Variants in UGT2B10 observed in about 807,000 individuals in gnomAD.
UGT2B10 encodes the protein UDP-glucuronosyltransferase 2B10.
UGT2B10 carries 51 observed loss-of-function variants against 43.7 expected under a neutral mutation model. The ratio of observed to expected loss-of-function variants is 1.17; its 90% CI spans 0.93 to 1.47. The LOEUF is 1.47. UGT2B10 is among the 40% of genes most tolerant of loss of function. UGT2B10 has a pLI of 0.00. For synonymous variants in UGT2B10, 225 were observed against 209.0 expected (o/e 1.08, Z -0.66); for missense variants, 696 against 617.7 (o/e 1.13, Z -1.34).
rs1738106034 is a variant in UGT2B10, at chr4:68,831,664, A to T, written c.*785A>T. ...TTAAAATCTAAAATTGCTTTCTGTTAAAGCTTTACTGATTAGTTTTTCTTC... is the reference window on the plus strand; with the variant it reads ...TTAAAATCTAAAATTGCTTTCTGTTTAAGCTTTACTGATTAGTTTTTCTTC... On this transcript the variant is annotated 3_prime_UTR_variant, in exon 6 of 6. Transcript: ENST00000265403. Among the ~76,000 whole-genome samples the T allele has an allele frequency of 6.6e-6, 1 of 152,144 alleles. No homozygotes were observed. Among genetic ancestry groups the T allele is most frequent in the Non-Finnish European group, 1.5e-5 (1 of 68,012 alleles).
At chr4:68,818,752 G>A (rs1578264060) in intron 2 of UGT2B10, among the ~76,000 whole-genome samples, 1 of 151,886 alleles carries the variant, frequency 6.6e-6, no homozygotes, top group South Asian at 2.1e-4. Flanking sequence ...AGACAAAAAG[G>A]GAAAGCAGAT....
Position 68,831,030 on chromosome 4 carries a change from A to T in UGT2B10, c.*151A>T. 1 of 1,059,272 alleles carries T rather than the reference A, an allele frequency of 9.4e-7. No homozygotes were observed. Among genetic ancestry groups the T allele is most frequent in the Non-Finnish European group, 1.3e-6 (1 of 745,820 alleles). The allele number at this position is 1,059,272 out of a possible 1,614,324, so 65.6% of individuals were successfully genotyped here. ...CTTGTCAAGTAAAAATTTGTTTTTCAGAGATTTACCACCCAGTTAATGGTT... is the reference window on the plus strand; with the variant it reads ...CTTGTCAAGTAAAAATTTGTTTTTCTGAGATTTACCACCCAGTTAATGGTT... On this transcript the variant is annotated 3_prime_UTR_variant, in exon 6 of 6. Transcript: ENST00000265403.
chr4:68,818,585 A>C (rs1933616134), intron 2 of UGT2B10, among the ~76,000 whole-genome samples: 1 of 148,328 alleles, frequency 6.7e-6, no homozygotes, highest in Admixed American at 6.9e-5. Flanking sequence ...GAATATAAGT[A>C]AGTAATGAAT....
chr4:68,816,590 T>G lies in UGT2B10; in HGVS notation c.571T>G (p.Ser191Ala). 1.2e-6 allele frequency: 2 copies of G among 1,613,010 alleles called. No individual in the cohort carries two copies. Among genetic ancestry groups the G allele is most frequent in the Non-Finnish European group, 1.7e-6 (2 of 1,179,330 alleles). ...RHSGGFIFPPSYVPVVMSKLS... is the reference protein window; with the variant it reads ...RHSGGFIFPPAYVPVVMSKLS... ...CAGTGGAGGATTTATTTTCCCTCCT[T>G]CCTACGTACCTGTTGTTATGTCAAA... The change falls in exon 1 of 6, where the codon TCC (serine) becomes GCC (alanine). Residue 191 changes from serine to alanine, a missense_variant. Ser to Ala is a moderately conservative substitution (Grantham distance 99). Transcript: ENST00000265403.
chr4:68,820,949 T>C (rs542247171), intron 2 of UGT2B10, among the ~76,000 whole-genome samples: 5 of 152,218 alleles, frequency 3.3e-5, no homozygotes, highest in African/African-American at 1.2e-4. Flanking sequence ...CAACACTGCA[T>C]AGAAAAACAA....
chr4:68,822,504 T>C, intron 3 of UGT2B10, 102 bp downstream of exon 3: 1 of 1,589,834 alleles, frequency 6.3e-7, no homozygotes, highest in Non-Finnish European at 8.5e-7. Context: ...GAACTATTTA[T>C]AGCTGAATAC....
rs1390670127 is a variant in UGT2B10, at chr4:68,827,407, T to A, written c.1166T>A (p.Met389Lys). ...GAGGCAATCTACCATGGGATCCCTA[T>A]GGTGGGCATTCCATTGTTTTTTGAT... ...IYEAIYHGIP[M>K]VGIPLFFDQP... The change falls in exon 5 of 6, where the codon ATG (methionine) becomes AAG (lysine). Residue 389 changes from methionine to lysine, a missense_variant. Transcript: ENST00000265403. The A allele has an allele frequency of 1.9e-6, 3 of 1,613,518 alleles. 1 individual carries two copies. The South Asian group carries it at 3.3e-5, about 18-fold the overall frequency.
In UGT2B10 at chr4:68,818,121, C is replaced by T. The variant is rs1737309662; in HGVS notation, c.811C>T (p.Pro271Ser). The change falls in exon 2 of 6, where the codon CCA (proline) becomes TCA (serine). Residue 271 changes from proline (P) to serine (S), a missense_variant. By Grantham distance (74) the Pro-to-Ser change is moderately conservative (BLOSUM62 -1). Transcript: ENST00000265403. Reference sequence around the variant, plus strand: ...TTTTAAATTTCCTCATCCATTCTTACCAAATGTTGATTTTGTTGGAGGACT... The same window carrying T: ...TTTTAAATTTCCTCATCCATTCTTATCAAATGTTGATTTTGTTGGAGGACT... ...WNFKFPHPFL[P>S]NVDFVGGLHC... 5 of 1,611,956 alleles carry T rather than the reference C, an allele frequency of 3.1e-6. No homozygotes were observed. Among genetic ancestry groups the T allele is most frequent in the African/African-American group, 1.3e-5 (1 of 74,898 alleles).
Position 68,826,420 on chromosome 4 carries a change from G to C in UGT2B10, c.1010G>C (p.Arg337Thr). 6.2e-7 allele frequency: 1 copy of C among 1,610,676 alleles called. No individual in the cohort carries two copies. The highest frequency in any genetic ancestry group is 8.5e-7 in the Non-Finnish European group (1 of 1,178,940). ...LAKIPQKVLWRFDGNKPDALG... is the reference protein window; with the variant it reads ...LAKIPQKVLWTFDGNKPDALG... The stretch of plus-strand genomic sequence containing the variant: ...TCTTTACTGTAACAGGTTCTTTGGA[G>C]ATTTGATGGGAATAAACCAGATGCC... The change falls in exon 4 of 6, where the codon AGA becomes ACA. Residue 337 changes from arginine to threonine, a missense_variant. Arg to Thr is a moderately conservative substitution (Grantham distance 71, BLOSUM62 -1). Transcript: ENST00000265403.
Position 68,816,294 on chromosome 4 carries a change from T to A in UGT2B10, c.275T>A (p.Leu92Ter). ...GAATTTGAGAATATCATCATGCAATTGGTTAAGAGATTGTCAGAAATTCAA... is the reference window on the plus strand; with the variant it reads ...GAATTTGAGAATATCATCATGCAATAGGTTAAGAGATTGTCAGAAATTCAA... Reference protein sequence around the residue: ...KTEFENIIMQLVKRLSEIQKD... With the variant: ...KTEFENIIMQ Residue 92 changes from leucine (L) to a stop codon, truncating the protein, a stop_gained, in exon 1 of 6, where the codon TTG becomes TAG. Transcript: ENST00000265403. LOFTEE classifies it high-confidence loss of function. 1 of 1,613,050 alleles carries A rather than the reference T, an allele frequency of 6.2e-7. No homozygotes were observed. Among genetic ancestry groups the A allele is most frequent in the Non-Finnish European group, 8.5e-7 (1 of 1,179,402 alleles).
At chr4:68,826,677 A>T (rs1737798117) in intron 4 of UGT2B10, among the ~76,000 whole-genome samples, 180 bp downstream of exon 4, 1 of 152,150 alleles carries the variant, frequency 6.6e-6, no homozygotes, top group Admixed American at 6.6e-5. Context: ...TTTGTGATAC[A>T]CACTCACATT....
At position 68,816,647 on chromosome 4, in the gene UGT2B10, G is replaced by A. The variant is rs1213869489; in HGVS notation, c.628G>A (p.Val210Ile). 14 of 1,612,552 alleles carry A rather than the reference G, an allele frequency of 8.7e-6. No individual in the cohort carries two copies. The highest frequency in any genetic ancestry group is 1.1e-5 in the Non-Finnish European group (13 of 1,179,152). Residue 210 changes from valine to isoleucine, a missense_variant, in exon 1 of 6, where the codon GTA becomes ATA. Transcript: ENST00000265403. ...LSDQMTFMER[V>I]KNMLYVLYFD... ...TGATCAAATGACTTTCATGGAGAGG[G>A]TAAAAAATATGCTCTATGTGCTTTA...
chr4:68,827,751 T>C (rs1737873291), intron 5 of UGT2B10, among the ~76,000 whole-genome samples: 1 of 151,940 alleles, frequency 6.6e-6, no homozygotes, highest in Admixed American at 6.6e-5. Flanking sequence ...AACCAGTTAG[T>C]GAAACAGTTT....
intron 2 of UGT2B10, among the ~76,000 whole-genome samples, chr4:68,821,532 A>G (rs950645470): frequency 3.9e-5 from 6 of 152,200 alleles, no homozygotes; most frequent in African/African-American, 1.2e-4. Context: ...GAAAGGTACA[A>G]TTATTCAACT....
At chr4:68,820,787 A>G (rs1737453789) in intron 2 of UGT2B10, among the ~76,000 whole-genome samples, 1 of 152,106 alleles carries the variant, frequency 6.6e-6, no homozygotes, top group South Asian at 2.1e-4. Context: ...ATCTCTAGAT[A>G]GAAATTTTAG....
At chr4:68,822,009 C>T (rs1247496152) in intron 2 of UGT2B10, among the ~76,000 whole-genome samples, 3 of 152,072 alleles carry the variant, frequency 2.0e-5, no homozygotes, top group Admixed American at 6.6e-5. Context: ...GTAATAGCTC[C>T]TTTTCTTTTC....
chr4:68,819,775 A>G (rs1472917925), intron 2 of UGT2B10, among the ~76,000 whole-genome samples: 1 of 151,912 alleles, frequency 6.6e-6, no homozygotes, highest in Non-Finnish European at 1.5e-5. Context: ...TTTCAATACG[A>G]AAAAAAATTC....
chr4:68,822,756 G>A (rs1578268108), intron 3 of UGT2B10, among the ~76,000 whole-genome samples: 1 of 152,214 alleles, frequency 6.6e-6, no homozygotes, highest in Admixed American at 6.5e-5. Flanking sequence ...ATATATTTCA[G>A]TTAAGTGAAA....
In UGT2B10 at chr4:68,816,551, T is replaced by C; in HGVS notation, c.532T>C (p.Ser178Pro). The change falls in exon 1 of 6, where the codon TCA becomes CCA. Residue 178 changes from serine to proline, a missense_variant. Coordinates refer to ENST00000265403, the MANE Select transcript of UGT2B10 (RefSeq NM_001075.6). ...VYSHSFSPGY[S>P]FERHSGGFIF... ...CAGTCACAGCTTCAGTCCTGGCTAC[T>C]CATTTGAAAGGCACAGTGGAGGATT... The C allele has an allele frequency of 6.2e-7, 1 of 1,613,164 alleles. No homozygotes were observed. The highest frequency in any genetic ancestry group is 1.7e-5 in the Admixed American group (1 of 59,896).
Sources: gnomAD v4.1 joint callset for allele counts (sites outside exome capture counted in the v4.1 genomes callset) on GRCh38, gnomAD v4.1.1 for gene constraint, MANE v1.5 for transcripts, NCBI Gene and HGNC (gene_info 2026-07-23, HGNC 2026-07-21) for gene names.